TTLL4: variants seen among roughly 807,000 people sequenced by gnomAD.
TTLL4 encodes the protein tubulin tyrosine ligase like 4.
Under a neutral mutation model 122.7 loss-of-function variants are expected in TTLL4, and 85 were observed. The observed-to-expected ratio is 0.69, with a 90% confidence interval of 0.58 to 0.83. The LOEUF is 0.83. Ranked by LOEUF, TTLL4 falls within the 40% of genes least tolerant of loss-of-function variation. The pLI is 0.00. For synonymous variants in TTLL4, 553 were observed against 563.0 expected (o/e 0.98, Z 0.25); for missense variants, 1,363 against 1,488.6 (o/e 0.92, Z 1.39).
chr2:218,746,813 CTG>C, intron 8 of TTLL4, 188 bp from the exon 9 acceptor site: 1 of 614,752 alleles, frequency 1.6e-6, no homozygotes, highest in Non-Finnish European at 2.8e-6. Context: ...TCTGTTTTGT[CTG>C]TGTTTTAATC....
chr2:218,745,019 C>T, intron 5 of TTLL4, 90 bp from the exon 6 acceptor site: 2 of 1,516,990 alleles, frequency 1.3e-6, no homozygotes. Flanking sequence ...TAAAAGACAG[C>T]ACTTGGAAAT....
rs1024075157 is a variant in TTLL4, at chr2:218,740,589, G to A, written c.1661+5G>A. On this transcript the variant is annotated splice_donor_5th_base_variant and intron_variant, in intron 5 of 19. Coordinates refer to ENST00000392102, the MANE Select transcript of TTLL4 (RefSeq NM_014640.5). ...ATCGGTGGCCATGATCTCTAGGTAA[G>A]TGTGGCTGTATAGATCATTGTTACA... 3 of 1,614,146 alleles carry A rather than the reference G, an allele frequency of 1.9e-6. No individual in the cohort carries two copies. The South Asian group carries it at 3.3e-5, about 18-fold the overall frequency.
intron 1 of TTLL4, among the ~76,000 whole-genome samples, chr2:218,721,746 C>A (rs947311802): frequency 8.5e-5 from 13 of 152,274 alleles, no homozygotes; most frequent in African/African-American, 3.1e-4. Context: ...GATACATAAG[C>A]TCTGTGAAAA....
downstream of TTLL4, among the ~76,000 whole-genome samples, chr2:218,758,642 T>C (rs1443407597): frequency 2.0e-5 from 3 of 152,218 alleles, no homozygotes. Context: ...CAGTTTAAAC[T>C]GCAAGATACC....
At chr2:218,746,374 G>A in intron 8 of TTLL4, 143 bp downstream of exon 8, 1 of 814,464 alleles carries the variant, frequency 1.2e-6, no homozygotes, top group South Asian at 1.6e-5. Context: ...GAAAGTACAG[G>A]ACGGGGGTAC....
chr2:218,722,091 T>A (rs961641643), intron 1 of TTLL4, among the ~76,000 whole-genome samples: 1 of 152,054 alleles, frequency 6.6e-6, no homozygotes, highest in Non-Finnish European at 1.5e-5. Flanking sequence ...AGACTAGCCC[T>A]GGCAAGATAG....
At chr2:218,744,974 A>T in intron 5 of TTLL4, 135 bp from the exon 6 acceptor site, 3 of 1,185,754 alleles carry the variant, frequency 2.5e-6, no homozygotes, top group Non-Finnish European at 3.5e-6. Flanking sequence ...AATAATTATT[A>T]ATTATTGAGC....
intron 5 of TTLL4, among the ~76,000 whole-genome samples, 163 bp from the exon 6 acceptor site, chr2:218,744,946 A>G (rs1575178380): frequency 6.6e-6 from 1 of 152,340 alleles, no homozygotes; most frequent in Non-Finnish European, 1.5e-5. Context: ...CTAGTACCTT[A>G]TGGATTAATA....
chr2:218,740,459 G>A, intron 4 of TTLL4, 62 bp from the exon 5 acceptor site: 1 of 1,567,066 alleles, frequency 6.4e-7, no homozygotes, highest in Non-Finnish European at 8.8e-7. Flanking sequence ...AGTTGCCTAG[G>A]CTTGGTAAGT....
At chr2:218,716,687 G>A (rs1002127957) in intron 1 of TTLL4, among the ~76,000 whole-genome samples, 4 of 152,174 alleles carry the variant, frequency 2.6e-5, no homozygotes, top group African/African-American at 9.7e-5. Flanking sequence ...TACTCAGGAG[G>A]TTGAGGCAGG....
At chr2:218,749,577 C>T (rs1206790920) in intron 14 of TTLL4, among the ~76,000 whole-genome samples, 190 bp downstream of exon 14, 1 of 152,064 alleles carries the variant, frequency 6.6e-6, no homozygotes, top group Non-Finnish European at 1.5e-5. Flanking sequence ...AAGCAGTTCT[C>T]CTGCCTCAGC....
intron 1 of TTLL4, among the ~76,000 whole-genome samples, chr2:218,721,759 T>A (rs1480544697): frequency 6.6e-6 from 1 of 152,160 alleles, no homozygotes; most frequent in Non-Finnish European, 1.5e-5. Flanking sequence ...TGTGAAAAAG[T>A]CCCTGTGCTC....
At chr2:218,711,717 G>A (rs954796578) in intron 1 of TTLL4, among the ~76,000 whole-genome samples, 1 of 151,784 alleles carries the variant, frequency 6.6e-6, no homozygotes, top group Non-Finnish European at 1.5e-5. Flanking sequence ...CCATACTGTG[G>A]TGTGTGCTGT....
Position 218,738,200 on chromosome 2 carries a change from C to T in TTLL4, c.524C>T (p.Ala175Val). Residue 175 changes from alanine (A) to valine (V), a missense_variant, in exon 3 of 20, where the codon GCC (alanine) becomes GTC (valine). Physicochemically the swap from Ala to Val is moderately conservative, Grantham distance 64. Transcript: ENST00000392102. ...GTCTTCTCCATGGCCCAGCCCATGG[C>T]CTCCTCATCCACAGAACCATACCTC... ...SMVFSMAQPM[A>V]SSSTEPYLCL... 1 of 1,614,106 alleles carries T rather than the reference C, an allele frequency of 6.2e-7. No homozygotes were observed.
intron 6 of TTLL4, 172 bp from the exon 7 acceptor site, chr2:218,745,519 C>T (rs977161068): frequency 1.6e-6 from 1 of 643,598 alleles, no homozygotes. Flanking sequence ...CATTCCTGCA[C>T]AGCCCCTCTT....
intron 18 of TTLL4, 148 bp downstream of exon 18, chr2:218,753,333 G>A (rs1943075802): frequency 1.0e-6 from 1 of 985,316 alleles, no homozygotes; most frequent in African/African-American, 1.6e-5. Flanking sequence ...TTCCTTTCAA[G>A]GGAATAGTTG....
At chr2:218,746,051 G>A (rs1559371371) in intron 7 of TTLL4, 104 bp from the exon 8 acceptor site, 3 of 1,412,956 alleles carry the variant, frequency 2.1e-6, no homozygotes, top group Non-Finnish European at 3.0e-6. Context: ...GCAACTCTTT[G>A]AAAACCAAGT....
chr2:218,723,853 A>G (rs946418009), intron 1 of TTLL4, among the ~76,000 whole-genome samples: 1 of 152,218 alleles, frequency 6.6e-6, no homozygotes, highest in South Asian at 2.1e-4. Flanking sequence ...GAAGGTGAAT[A>G]CAACTTGTGA....
chr2:218,756,108 G>A (rs1344466608), downstream of TTLL4, among the ~76,000 whole-genome samples: 4 of 152,182 alleles, frequency 2.6e-5, no homozygotes, highest in Admixed American at 2.6e-4. Flanking sequence ...CATGACATGG[G>A]GAATCTGCTG....
Sources: allele counts gnomAD v4.1 joint callset (sites outside exome capture counted in the v4.1 genomes callset), GRCh38; gene constraint gnomAD v4.1.1; transcripts MANE v1.5; gene names NCBI Gene and HGNC (gene_info 2026-07-23, HGNC 2026-07-21).